The following RPAP1 variants were observed in gnomAD, a reference collection of about 807,000 sequenced individuals.
RPAP1 encodes RNA polymerase II-associated protein 1.
Under a neutral mutation model 142.4 loss-of-function variants are expected in RPAP1, and 109 were observed. The ratio of observed to expected loss-of-function variants is 0.77; its 90% CI spans 0.66 to 0.90. The LOEUF (loss-of-function observed/expected upper bound fraction) is 0.90, where lower values mean the gene tolerates loss of function less well. Among genes scored for constraint, RPAP1 ranks in the 40% least tolerant of loss-of-function variants. RPAP1 has a pLI of 0.00. For missense variants in RPAP1, 1,546 were observed against 1,751.7 expected (o/e 0.88, Z 2.10); for synonymous variants, 704 against 738.9 (o/e 0.95, Z 0.77).
intron 6 of RPAP1, among the ~76,000 whole-genome samples, chr15:41,532,308 C>T (rs1035469653): frequency 4.6e-5 from 7 of 152,146 alleles, no homozygotes; most frequent in Non-Finnish European, 1.0e-4. Flanking sequence ...GCGTGAGCCT[C>T]CACACCTGGC....
At chr15:41,539,330 T>C (rs939978215) in intron 1 of RPAP1, among the ~76,000 whole-genome samples, 1 of 152,102 alleles carries the variant, frequency 6.6e-6, no homozygotes, top group African/African-American at 2.4e-5. Context: ...GTTTTGCTCT[T>C]GTTGCCCAGG....
chr15:41,523,619 G>T, intron 17 of RPAP1, 152 bp downstream of exon 17: 1 of 789,984 alleles, frequency 1.3e-6, no homozygotes. Flanking sequence ...GGGATATGGA[G>T]GTAGAAAGAG....
chr15:41,528,100 GC>G, intron 10 of RPAP1, 73 bp from the exon 11 acceptor site: 2 of 1,560,736 alleles, frequency 1.3e-6, no homozygotes, highest in South Asian at 2.3e-5. Context: ...TCCTTCGTTT[GC>G]CCCCCTATGA....
At chr15:41,523,195 A>G (rs932528286) in intron 18 of RPAP1, 50 bp downstream of exon 18, 1 of 1,315,762 alleles carries the variant, frequency 7.6e-7, no homozygotes. Context: ...CCACAAGGAA[A>G]GAAATTGCCT....
rs766605156 is a variant in RPAP1, at chr15:41,518,097, C to A, written c.3881G>T (p.Gly1294Val). 1.2e-6 allele frequency: 2 copies of A among 1,608,580 alleles called. No homozygotes were observed. Among genetic ancestry groups the A allele is most frequent in the African/African-American group, 2.7e-5 (2 of 74,478 alleles). ...GGGGCACCAACGTGGGCGGAGCGCA[C>A]CAGTAACCAGGGTCCGGAAGTAGAG... ...LQLYFRTLVT[G>V]ALRPRWCPVL... The change falls in exon 23 of 25, where the codon GGT becomes GTT. Residue 1294 changes from glycine to valine, a missense_variant. Gly to Val is a moderately radical substitution (Grantham distance 109). This residue lies in a region of RPAP1 where 210 missense variants were observed against 248.0 expected (regional missense o/e 0.85). Coordinates refer to ENST00000304330, the MANE Select transcript of RPAP1 (RefSeq NM_015540.4).
chr15:41,529,696 A>G, intron 8 of RPAP1, 128 bp from the exon 9 acceptor site: 1 of 869,602 alleles, frequency 1.1e-6, no homozygotes, highest in East Asian at 2.6e-5. Flanking sequence ...AATGGGGCTT[A>G]TCTGGCCTTG....
chr15:41,519,125 C>G (rs1237321970), intron 22 of RPAP1, among the ~76,000 whole-genome samples: 2 of 152,214 alleles, frequency 1.3e-5, no homozygotes, highest in African/African-American at 4.8e-5. Context: ...CTCTTGGCCT[C>G]AAGCAATCCT....
intron 1 of RPAP1, among the ~76,000 whole-genome samples, chr15:41,541,253 T>C (rs1329747395): frequency 6.6e-6 from 1 of 151,740 alleles, no homozygotes; most frequent in African/African-American, 2.4e-5. Context: ...AAACCCCATC[T>C]CTACTAAAAA....
At position 41,518,063 on chromosome 15, in the gene RPAP1, A is replaced by C; in HGVS notation, c.3915T>G (p.Tyr1305Ter). Reference protein sequence around the residue: ...ALRPRWCPVLYAVAVAHVNSF... With the variant: ...ALRPRWCPVL ...TATTGACATGAGCCACAGCCACAGC[A>C]TAGAGCACGGGGCACCAACGTGGGC... is the stretch of plus-strand genomic sequence containing the variant. Residue 1305 changes from tyrosine to a stop codon, truncating the protein, a stop_gained, in exon 23 of 25, where the codon TAT (tyrosine) becomes TAG (stop). Coordinates refer to ENST00000304330, the MANE Select transcript of RPAP1 (RefSeq NM_015540.4). LOFTEE classifies it high-confidence loss of function. 1 of 1,613,790 alleles carries C rather than the reference A, an allele frequency of 6.2e-7. No homozygotes were observed. The highest frequency in any genetic ancestry group is 1.7e-5 in the Admixed American group (1 of 59,880).
At chr15:41,533,773 G>A (rs187214948) in intron 6 of RPAP1, among the ~76,000 whole-genome samples, 45 of 151,968 alleles carry the variant, frequency 3.0e-4, no homozygotes, top group African/African-American at 1.1e-3. Context: ...GGGAGGCAGA[G>A]GTTGCAGTGA....
In RPAP1 at chr15:41,521,740, G is replaced by A; in HGVS notation, c.3036C>T (p.Leu1012=). The change falls in exon 21 of 25, where the codon CTC becomes CTT. Residue 1012 remains leucine, a splice_region_variant and synonymous_variant. Coordinates refer to ENST00000304330, the MANE Select transcript of RPAP1 (RefSeq NM_015540.4). ...GATGCCACCAACCAAGCACTTACGG[G>A]AGGAACTCCAGCCGGAATACACAGC... is the stretch of plus-strand genomic sequence containing the variant. ...LLSCVFRLEF[L]PERTSGGPEA... is the part of the protein sequence containing the mutation. The A allele has an allele frequency of 1.9e-6, 3 of 1,614,104 alleles. No homozygotes were observed. The highest frequency in any genetic ancestry group is 2.5e-6 in the Non-Finnish European group (3 of 1,180,008).
intron 6 of RPAP1, 82 bp from the exon 7 acceptor site, chr15:41,531,284 C>T (rs2051844939): frequency 7.2e-7 from 1 of 1,381,022 alleles, no homozygotes; most frequent in Non-Finnish European, 1.0e-6. Context: ...CTGAATATCG[C>T]CTGTCTGTGG....
Position 41,520,514 on chromosome 15 carries a change from C to T in RPAP1, c.3672G>A (p.Gly1224=). 6.2e-7 allele frequency: 1 copy of T among 1,614,060 alleles called. No homozygotes were observed. The highest frequency in any genetic ancestry group is 2.2e-5 in the East Asian group (1 of 44,872). ...GGACCAGGGCCCCAAAGAGGTGGTC[C>T]CCAAAAGAGACAGCCTCAAAATGAT... ...FLDHFEAVSF[G]DHLFGALVLL... Residue 1224 remains glycine, a synonymous_variant, in exon 22 of 25, where the codon GGG becomes GGA. Coordinates refer to ENST00000304330, the MANE Select transcript of RPAP1 (RefSeq NM_015540.4).
At position 41,528,003 on chromosome 15, in the gene RPAP1, G is replaced by T; in HGVS notation, c.1285C>A (p.Arg429=). The T allele has an allele frequency of 1.2e-6, 2 of 1,613,910 alleles. No individual in the cohort carries two copies. The highest frequency in any genetic ancestry group is 1.7e-6 in the Non-Finnish European group (2 of 1,179,938). Residue 429 remains arginine, a synonymous_variant, in exon 11 of 25, where the codon CGG becomes AGG. Transcript: ENST00000304330. ...SRAQAGEFGD[R]LAGSVLSLLL... is the part of the protein sequence containing the mutation. Reference sequence around the variant, plus strand: ...AGGCTTAAGACACTGCCTGCTAGCCGGTCCCCAAACTCACCAGCCTGGGCC... The same window carrying T: ...AGGCTTAAGACACTGCCTGCTAGCCTGTCCCCAAACTCACCAGCCTGGGCC...
chr15:41,522,125 G>A lies in RPAP1; in HGVS notation c.2868C>T (p.Tyr956=), dbSNP rs200389002. The part of the protein sequence containing the change: ...WALRHEYHLQ[Y]LALALAQKAA... The stretch of plus-strand genomic sequence containing the variant: ...CTTTCTGGGCCAGAGCGAGTGCCAG[G>A]TACTGCAGGTGGTACTCATGGCGCA... The change falls in exon 20 of 25, where the codon TAC becomes TAT. Residue 956 remains tyrosine, a synonymous_variant. Transcript: ENST00000304330. 6.2e-7 allele frequency: 1 copy of A among 1,613,816 alleles called. No individual in the cohort carries two copies. The highest frequency in any genetic ancestry group is 1.3e-5 in the African/African-American group (1 of 75,036).
Position 41,517,668 on chromosome 15 carries a change from G to C in RPAP1, c.4056C>G (p.His1352Gln), listed in dbSNP as rs762549422. The C allele has an allele frequency of 1.9e-6, 3 of 1,612,678 alleles. No homozygotes were observed. The East Asian group carries it at 6.7e-5, about 36-fold the overall frequency. ...ADEGLRQHLL[H>Q]YKLPNSTLPE... ...GGAGCGTGGAATTGGGAAGCTTATAGTGCAGGAGGTGCTGCCGGAGACCCT... is the reference window on the plus strand; with the variant it reads ...GGAGCGTGGAATTGGGAAGCTTATACTGCAGGAGGTGCTGCCGGAGACCCT... Residue 1352 changes from histidine (H) to glutamine (Q), a missense_variant, in exon 25 of 25, where the codon CAC (histidine) becomes CAG (glutamine). By Grantham distance (24) the His-to-Gln change is conservative. Around this residue, in one of 3 missense-constraint regions of RPAP1, gnomAD observed 210 missense variants for 248.0 expected, o/e 0.85. Transcript: ENST00000304330.
intron 6 of RPAP1, among the ~76,000 whole-genome samples, chr15:41,531,685 G>A (rs1370588578): frequency 2.2e-5 from 3 of 135,372 alleles, no homozygotes; most frequent in Non-Finnish European, 4.6e-5. Flanking sequence ...GTGTCGCCCG[G>A]GCTGGAGTGC....
intron 14 of RPAP1, among the ~76,000 whole-genome samples, chr15:41,526,676 C>T (rs2051793448): frequency 6.6e-6 from 1 of 152,216 alleles, no homozygotes; most frequent in South Asian, 2.1e-4. Context: ...CCTCCTATTA[C>T]ATCATGAGAC....
At chr15:41,521,534 C>A (rs960537075) in intron 21 of RPAP1, among the ~76,000 whole-genome samples, 1 of 152,190 alleles carries the variant, frequency 6.6e-6, no homozygotes, top group Non-Finnish European at 1.5e-5. Context: ...GCCATGCAGT[C>A]ACACTGAAGT....
Sources: gnomAD v4.1 joint callset for allele counts (sites outside exome capture counted in the v4.1 genomes callset) on GRCh38, gnomAD v4.1.1 for gene constraint, gnomAD v4.1.1 regional missense constraint, MANE v1.5 for transcripts, NCBI Gene and HGNC (gene_info 2026-07-23, HGNC 2026-07-21) for gene names.